The following CEP152 variants were observed in gnomAD, a reference collection of about 807,000 sequenced individuals.
The protein encoded by CEP152 is centrosomal protein of 152 kDa.
In CEP152, 132 loss-of-function variants were observed where a neutral mutation model predicts 188.9. The ratio of observed to expected loss-of-function variants is 0.70; its 90% CI spans 0.61 to 0.81. CEP152 has a LOEUF of 0.81. Ranked by LOEUF, CEP152 falls within the 30% of genes least tolerant of loss-of-function variation. The probability of loss-of-function intolerance (pLI) is 0.00; values close to 1 mark genes in which losing one functional copy is unlikely to be tolerated. For synonymous variants in CEP152, 649 were observed against 666.6 expected, an observed-to-expected ratio of 0.97 and a Z score of 0.41; for missense variants, 1,914 against 1,969.8, an observed-to-expected ratio of 0.97 and a Z score of 0.54.
downstream of CEP152, among the ~76,000 whole-genome samples, chr15:48,734,150 CAT>C (rs1249122476): frequency 6.6e-6 from 1 of 151,460 alleles, no homozygotes; most frequent in Non-Finnish European, 1.5e-5. Context: ...CTTTAGAAGA[CAT>C]ATTGCTTTAT....
rs756035852 is a variant in CEP152 at position 48,755,978 on chromosome 15, T to C, written c.3270A>G (p.Leu1090=). ...KWMSVQYFEK[L]KGCIQKAFQD... The stretch of plus-strand genomic sequence containing the variant: ...GAAATGCTTTCTGTATGCAGCCCTT[T>C]AGTTTTTCAAAATATTGCACAGACA... Residue 1090 remains leucine (L), a synonymous_variant, in exon 20 of 27, where the codon CTA becomes CTG. Transcript: ENST00000380950. 2 of 1,614,110 alleles carry C rather than the reference T, an allele frequency of 1.2e-6. No individual in the cohort carries two copies. The highest frequency in any genetic ancestry group is 2.2e-5 in the South Asian group (2 of 91,084).
chr15:48,773,531 T>TA (rs1391469789), intron 12 of CEP152: 1 of 151,862 alleles, frequency 6.6e-6, no homozygotes, highest in Non-Finnish European at 1.5e-5. Context: ...AGGGAAGAAA[T>TA]ACTGGGGAAA....
At position 48,805,666 on chromosome 15, in the gene CEP152, G is replaced by A; in HGVS notation, c.-7-10C>T. The A allele has an allele frequency of 6.2e-7, 1 of 1,612,988 alleles. No homozygotes were observed. The highest frequency in any genetic ancestry group is 8.5e-7 in the Non-Finnish European group (1 of 1,179,508). On this transcript the variant is annotated splice_polypyrimidine_tract_variant and intron_variant, in intron 1 of 26. Transcript: ENST00000380950. ...TAATGACATGGTCCTCCTGTGGGAA[G>A]GGAAAGATGTTTGGTTTCTGGACAC... is the stretch of plus-strand genomic sequence containing the variant.
downstream of CEP152, among the ~76,000 whole-genome samples, chr15:48,734,600 A>G (rs1157137301): frequency 6.6e-6 from 1 of 151,458 alleles, no homozygotes; most frequent in Non-Finnish European, 1.5e-5. Flanking sequence ...AAAAAAAAAA[A>G]GCAACATCCA....
chr15:48,788,894 C>T lies in CEP152; in HGVS notation c.1080G>A (p.Glu360=). 3 of 1,614,174 alleles carry T rather than the reference C, an allele frequency of 1.9e-6. No homozygotes were observed. The highest frequency in any genetic ancestry group is 2.5e-6 in the Non-Finnish European group (3 of 1,180,030). The change falls in exon 9 of 27, where the codon GAG becomes GAA. Residue 360 remains glutamate (E), a synonymous_variant. Transcript: ENST00000380950. ...TCTTTGTGAGGCCCATAACAATGCT[C>T]TCATGCTGTTCTCTAGCTCGTTGAA... The part of the protein sequence containing the change: ...ESLQRAREQH[E]SIVMGLTKKY...
At chr15:48,739,421 G>T in intron 26 of CEP152, 133 bp from the exon 27 acceptor site, 1 of 1,299,548 alleles carries the variant, frequency 7.7e-7, no homozygotes, top group Non-Finnish European at 1.0e-6. Flanking sequence ...CCCAAAGAAT[G>T]CTTATATACT....
chr15:48,806,828 T>C (rs992142414), intron 1 of CEP152, among the ~76,000 whole-genome samples: 3 of 152,230 alleles, frequency 2.0e-5, no homozygotes, highest in African/African-American at 4.8e-5. Context: ...GAACGAGATG[T>C]AGCCAATCAA....
intron 2 of CEP152, among the ~76,000 whole-genome samples, chr15:48,802,366 T>C (rs1212012736): frequency 6.6e-6 from 1 of 152,132 alleles, no homozygotes; most frequent in Non-Finnish European, 1.5e-5. Flanking sequence ...ACATAAGTAA[T>C]GTGTGACAAT....
intron 19 of CEP152, among the ~76,000 whole-genome samples, chr15:48,758,717 T>TAAAAAAAAAAAA (rs1894455728): frequency 5.1e-4 from 1 of 1,974 alleles, no homozygotes; most frequent in African/African-American, 3.2e-3. Context: ...AGACTCCATC[T>TAAAAAAAAAAAA]CAAAAAAAAA....
In CEP152 at chr15:48,762,515, A is replaced by G. The variant is rs188605689; in HGVS notation, c.2438T>C (p.Ile813Thr). The change falls in exon 18 of 27, where the codon ATA (isoleucine) becomes ACA (threonine). Residue 813 changes from isoleucine to threonine, a missense_variant. By Grantham distance (89) the Ile-to-Thr change is moderately conservative (BLOSUM62 -1). Transcript: ENST00000380950. ...CTGGATTGTGCACTTCTGCTCTTCT[A>G]TCATAATTGCCATCTCTTTCTTGGA... ...VISKKEMAIM[I>T]EEQKCTIQQN... The G allele has an allele frequency of 1.1e-5, 17 of 1,613,978 alleles. No homozygotes were observed. In the East Asian group the frequency reaches 3.3e-4, roughly 32 times the overall value.
At chr15:48,741,833 C>A (rs1892995338) in intron 25 of CEP152, 114 bp downstream of exon 25, 3 of 1,608,928 alleles carry the variant, frequency 1.9e-6, no homozygotes, top group Non-Finnish European at 1.7e-6. Flanking sequence ...CCTCTCTTAA[C>A]CCCCTATGGC....
chr15:48,748,355 G>A (rs1241399443), intron 22 of CEP152, 88 bp downstream of exon 22: 6 of 1,416,452 alleles, frequency 4.2e-6, no homozygotes, highest in African/African-American at 2.9e-5. Context: ...GAGGATCAGT[G>A]CACACATTAA....
chr15:48,772,400 C>A, intron 13 of CEP152, 87 bp downstream of exon 13: 4 of 1,090,242 alleles, frequency 3.7e-6, no homozygotes, highest in Non-Finnish European at 5.5e-6. Flanking sequence ...GACAGAGTGA[C>A]GCCCTGTCTC....
intron 2 of CEP152, among the ~76,000 whole-genome samples, chr15:48,804,211 G>GT (rs1897841480): frequency 6.6e-6 from 1 of 152,232 alleles, no homozygotes; most frequent in African/African-American, 2.4e-5. Flanking sequence ...GGCTTTGGAT[G>GT]TTTTTTAGAT....
rs1442868757 is a variant in CEP152, at chr15:48,741,801, T to C, written c.3990-97A>G. 4 of 1,609,654 alleles carry C rather than the reference T, an allele frequency of 2.5e-6. No homozygotes were observed. In the Middle Eastern group the frequency reaches 5.0e-4, roughly 200 times the overall value. On this transcript the variant is annotated intron_variant, in intron 25 of 26. Coordinates refer to ENST00000380950, the MANE Select transcript of CEP152 (RefSeq NM_001194998.2). Reference sequence around the variant, plus strand: ...TGTTTTCCTATTGGCTCTGCCAACATTTAGGGTAGCACAGCCATAAACCTC... The same window carrying C: ...TGTTTTCCTATTGGCTCTGCCAACACTTAGGGTAGCACAGCCATAAACCTC...
At chr15:48,778,621 T>A (rs1352834203) in intron 12 of CEP152, among the ~76,000 whole-genome samples, 2 of 152,128 alleles carry the variant, frequency 1.3e-5, no homozygotes, top group Non-Finnish European at 1.5e-5. Context: ...TGATGCGGTG[T>A]CTCAGGTTTA....
intron 2 of CEP152, among the ~76,000 whole-genome samples, chr15:48,803,327 A>T (rs1012247212): frequency 6.6e-6 from 1 of 152,126 alleles, no homozygotes; most frequent in Non-Finnish European, 1.5e-5. Context: ...GTTAAAAAAA[A>T]CCTTCTAGAT....
At chr15:48,805,480 G>C in intron 2 of CEP152, 83 bp downstream of exon 2, 1 of 1,495,500 alleles carries the variant, frequency 6.7e-7, no homozygotes, top group Non-Finnish European at 8.9e-7. Flanking sequence ...AATGACACAA[G>C]ATGATACAAT....
chr15:48,799,522 C>G (rs1013878623), intron 2 of CEP152, among the ~76,000 whole-genome samples: 34 of 151,942 alleles, frequency 2.2e-4, no homozygotes, highest in African/African-American at 6.8e-4. Flanking sequence ...AAAGATGCAA[C>G]AAGAGAAAGA....
Sources: allele counts gnomAD v4.1 joint callset (sites outside exome capture counted in the v4.1 genomes callset), GRCh38; gene constraint gnomAD v4.1.1; transcripts MANE v1.5; gene names NCBI Gene and HGNC (gene_info 2026-07-23, HGNC 2026-07-21).